Variants in EIF2B3 observed in about 807,000 individuals in gnomAD.
EIF2B3 encodes the protein eukaryotic translation initiation factor 2B subunit gamma.
A neutral mutation model predicts 54.1 loss-of-function variants in EIF2B3; 20 were observed. That is an observed-to-expected ratio of 0.37 (90% CI 0.26 to 0.54). The LOEUF is 0.54. EIF2B3 is among the 20% of genes least tolerant of loss of function. EIF2B3 has a pLI of 0.86. For missense variants in EIF2B3, 448 were observed against 547.8 expected (o/e 0.82, Z 1.82); for synonymous variants, 153 against 188.1 (o/e 0.81, Z 1.52).
At chr1:44,898,577 CAGGGA>C (rs1340865290) in intron 5 of EIF2B3, among the ~76,000 whole-genome samples, 1 of 151,524 alleles carries the variant, frequency 6.6e-6, no homozygotes, top group Non-Finnish European at 1.5e-5. Context: ...AATAAATACA[CAGGGA>C]AGGGGAGTAT....
chr1:44,910,350 A>ACCTG (rs149297543), intron 5 of EIF2B3, among the ~76,000 whole-genome samples: 14 of 152,302 alleles, frequency 9.2e-5, no homozygotes, highest in African/African-American at 3.4e-4. Flanking sequence ...AATTCTCTGA[A>ACCTG]CCTGAATTTT....
At chr1:44,931,254 C>T (rs958822964) in intron 4 of EIF2B3, among the ~76,000 whole-genome samples, 1 of 152,104 alleles carries the variant, frequency 6.6e-6, no homozygotes, top group Admixed American at 6.6e-5. Context: ...GAGGTTCAGT[C>T]CAACAGTCCT....
chr1:44,864,305 C>T (rs1654702306), intron 10 of EIF2B3, among the ~76,000 whole-genome samples: 1 of 151,508 alleles, frequency 6.6e-6, no homozygotes, highest in African/African-American at 2.4e-5. Flanking sequence ...TGGCTCATGC[C>T]TGTAATCCCA....
intron 6 of EIF2B3, among the ~76,000 whole-genome samples, chr1:44,886,243 C>A (rs1655580465): frequency 6.7e-6 from 1 of 149,084 alleles, no homozygotes; most frequent in Non-Finnish European, 1.5e-5. Flanking sequence ...CCATGTTGGG[C>A]TAATTTTTTG....
intron 3 of EIF2B3, among the ~76,000 whole-genome samples, chr1:44,972,268 T>TATACACAC (rs772929302): frequency 0.29 from 26,402 of 90,914 alleles, 2,422 homozygotes; most frequent in African/African-American, 0.36. Context: ...CACACACACA[T>TATACACAC]ATACACACAC....
intron 4 of EIF2B3, among the ~76,000 whole-genome samples, chr1:44,927,677 T>C (rs758220311): frequency 6.6e-6 from 1 of 152,144 alleles, no homozygotes; most frequent in African/African-American, 2.4e-5. Context: ...GGTCTGTATG[T>C]TAAAGTATGG....
intron 6 of EIF2B3, among the ~76,000 whole-genome samples, chr1:44,897,093 GT>G (rs1655996576): frequency 1.3e-5 from 2 of 152,256 alleles, no homozygotes; most frequent in South Asian, 4.1e-4. Context: ...GGCATCATGG[GT>G]TACCGTTAAG....
rs11587010 is a variant in EIF2B3 at position 44,909,391 on chromosome 1, A to C, written c.567-11947T>G. On this transcript the variant is annotated intron_variant, in intron 5 of 11. Coordinates refer to ENST00000360403, the MANE Select transcript of EIF2B3 (RefSeq NM_020365.5). ...AGAAGAGATGACAACAAAATTTTGG[A>C]AGCTGGAAAACAAAAGGATGGTGGT... Among the ~76,000 whole-genome samples, 1,252 of 152,252 alleles carry C rather than the reference A, an allele frequency of 8.2e-3. 8 individuals are homozygous for C. The highest frequency in any genetic ancestry group is 0.011 in the Non-Finnish European group (755 of 68,018).
intron 3 of EIF2B3, among the ~76,000 whole-genome samples, chr1:44,977,763 A>G (rs562563417): frequency 6.6e-6 from 1 of 152,266 alleles, no homozygotes; most frequent in South Asian, 2.1e-4. Context: ...CCTGGCCTAG[A>G]GTATGTCTTT....
intron 1 of EIF2B3, among the ~76,000 whole-genome samples, chr1:44,982,785 G>A (rs901178083): frequency 5.5e-5 from 8 of 146,726 alleles, no homozygotes; most frequent in East Asian, 2.0e-4. Flanking sequence ...TTTTTGAGAC[G>A]GAGTTTCTCT....
chr1:44,934,768 G>A (rs1643929916), intron 4 of EIF2B3, among the ~76,000 whole-genome samples: 1 of 152,198 alleles, frequency 6.6e-6, no homozygotes, highest in Non-Finnish European at 1.5e-5. Flanking sequence ...GCCTCCCAAA[G>A]TGCTGGGATT....
In EIF2B3 at chr1:44,906,576, A is replaced by G. The variant is rs375289667; in HGVS notation, c.567-9132T>C. On this transcript the variant is annotated intron_variant, in intron 5 of 11. Coordinates refer to ENST00000360403, the MANE Select transcript of EIF2B3 (RefSeq NM_020365.5). ...CCACCATACCCGGCTCATTTTTTGTATTTAGTAGAGACAGGGTTTCATTAT... is the reference window on the plus strand; with the variant it reads ...CCACCATACCCGGCTCATTTTTTGTGTTTAGTAGAGACAGGGTTTCATTAT... Among the ~76,000 whole-genome samples the G allele has an allele frequency of 7.8e-4, 119 of 151,996 alleles. 5 individuals are homozygous for G. The South Asian group carries it at 0.024, about 31-fold the overall frequency.
intron 1 of EIF2B3, among the ~76,000 whole-genome samples, chr1:44,984,150 A>G (rs1462877342): frequency 6.6e-6 from 1 of 152,120 alleles, no homozygotes; most frequent in Non-Finnish European, 1.5e-5. Flanking sequence ...CTCGCACTTC[A>G]GCCTGGGCGA....
rs1255075324 is a variant in EIF2B3 at position 44,942,414 on chromosome 1, TATA to T, written c.295-752_295-750del. Among the ~76,000 whole-genome samples the T allele has an allele frequency of 3.6e-3, 63 of 17,716 alleles. 3 individuals carry two copies. Among genetic ancestry groups the T allele is most frequent in the Non-Finnish European group, 5.5e-3 (53 of 9,634 alleles). The allele number at this position is 17,716 out of a possible 152,430, so 11.6% of individuals were successfully genotyped here. On this transcript the variant is annotated intron_variant, in intron 3 of 11. Coordinates refer to ENST00000360403, the MANE Select transcript of EIF2B3 (RefSeq NM_020365.5). ...ATATATATATATATATATATATATATATATTTTTTTTTTTTTTTTTTTTTTTTT... is the reference window on the plus strand; with the variant it reads ...ATATATATATATATATATATATATATTTTTTTTTTTTTTTTTTTTTTTTTT...
intron 1 of EIF2B3, among the ~76,000 whole-genome samples, chr1:44,985,584 T>G (rs562737476): frequency 6.6e-6 from 1 of 152,304 alleles, no homozygotes; most frequent in South Asian, 2.1e-4. Flanking sequence ...CACAACTGTA[T>G]AAGAGTCAAA....
chr1:44,911,585 A>G (rs1185054829), intron 5 of EIF2B3, among the ~76,000 whole-genome samples: 1 of 152,246 alleles, frequency 6.6e-6, no homozygotes, highest in Non-Finnish European at 1.5e-5. Context: ...ACTCCATTGT[A>G]TGGAGCCATA....
intron 3 of EIF2B3, chr1:44,959,116 A>G (rs748200021): frequency 1.1e-5 from 8 of 761,582 alleles, no homozygotes; most frequent in Non-Finnish European, 1.6e-5. Flanking sequence ...TAACATCCCT[A>G]TTGCTAACCG....
intron 3 of EIF2B3, among the ~76,000 whole-genome samples, chr1:44,962,007 C>G (rs1195796729): frequency 6.6e-6 from 1 of 152,106 alleles, no homozygotes; most frequent in Non-Finnish European, 1.5e-5. Flanking sequence ...GCCTGGGCAA[C>G]ATGATGAAAT....
intron 5 of EIF2B3, among the ~76,000 whole-genome samples, chr1:44,919,285 G>C (rs181172543): frequency 6.6e-6 from 1 of 151,952 alleles, no homozygotes; most frequent in East Asian, 1.9e-4. Context: ...AGGAGGTGGA[G>C]GTTGCAGTGA....
Sources: allele counts gnomAD v4.1 joint callset (sites outside exome capture counted in the v4.1 genomes callset), GRCh38; gene constraint gnomAD v4.1.1; transcripts MANE v1.5; gene names NCBI Gene and HGNC (gene_info 2026-07-23, HGNC 2026-07-21).